The following NKIRAS2 variants were observed in gnomAD, a reference collection of about 807,000 sequenced individuals.
NKIRAS2 encodes NFKB inhibitor interacting Ras like 2.
A neutral mutation model predicts 20.7 loss-of-function variants in NKIRAS2; 15 were observed. That is an observed-to-expected ratio of 0.73 (90% CI 0.49 to 1.12). The LOEUF (loss-of-function observed/expected upper bound fraction) is 1.12, where lower values mean the gene tolerates loss of function less well. NKIRAS2 is among the 50% of genes most tolerant of loss of function. NKIRAS2 has a pLI of 0.00. For missense variants in NKIRAS2, 196 were observed against 249.6 expected, an observed-to-expected ratio of 0.79 and a Z score of 1.45; for synonymous variants, 116 against 101.4, an observed-to-expected ratio of 1.14 and a Z score of -0.87.
chr17:42,021,191 G>A (rs1343242535), intron 1 of NKIRAS2: 2 of 216,306 alleles, frequency 9.2e-6, no homozygotes, highest in Admixed American at 5.1e-5. Context: ...TACATCTTGC[G>A]CACAGAAGGG....
At chr17:42,019,251 G>A (rs2052385815), upstream of NKIRAS2, among the ~76,000 whole-genome samples, 1 of 152,028 alleles carries the variant, frequency 6.6e-6, no homozygotes, top group Non-Finnish European at 1.5e-5. Context: ...CCAGCATGGA[G>A]AAAAGAGCAA....
At chr17:42,017,960 A>C (rs2143411348), upstream of NKIRAS2, among the ~76,000 whole-genome samples, 1 of 152,218 alleles carries the variant, frequency 6.6e-6, no homozygotes, top group East Asian at 1.9e-4. Context: ...AGGGGAACGC[A>C]GGGCGTCTTC....
upstream of NKIRAS2, among the ~76,000 whole-genome samples, chr17:42,018,264 C>T (rs1177282036): frequency 6.6e-6 from 1 of 152,102 alleles, no homozygotes; most frequent in African/African-American, 2.4e-5. Context: ...TCATAGGGGA[C>T]AAGGGCACAG....
intron 1 of NKIRAS2, chr17:42,020,956 C>T (rs1231159601): frequency 6.5e-6 from 1 of 153,200 alleles, no homozygotes; most frequent in Non-Finnish European, 1.5e-5. Flanking sequence ...AGTCTGGTCT[C>T]GAACTCCTGA....
At chr17:42,022,715 G>T (rs1429931271) in intron 3 of NKIRAS2, 75 bp downstream of exon 3, 53 of 1,533,712 alleles carry the variant, frequency 3.5e-5, no homozygotes, top group Admixed American at 5.4e-5. Flanking sequence ...GGGAAGCCTG[G>T]CATGGCTCCA....
chr17:42,025,250 C>T lies in NKIRAS2; in HGVS notation c.*1357C>T, dbSNP rs998717717. On this transcript the variant is annotated 3_prime_UTR_variant, in exon 4 of 4. Transcript: ENST00000393885. ...TTACCTGTATTTATATTTATATGCC[C>T]GCTCTCATGGTGAAGGCTGGACAAG... 3 of 152,608 alleles carry T rather than the reference C, an allele frequency of 2.0e-5. No individual in the cohort carries two copies. In the East Asian group the frequency reaches 5.8e-4, roughly 29 times the overall value. The allele number at this position is 152,608 out of a possible 1,614,324, so 9.5% of individuals were successfully genotyped here.
upstream of NKIRAS2, among the ~76,000 whole-genome samples, chr17:42,019,215 G>A (rs28397091): frequency 0.011 from 1,600 of 152,278 alleles, 26 homozygotes; most frequent in African/African-American, 0.037. Flanking sequence ...AGAGGCTGCA[G>A]TGAGCTATGA....
At chr17:42,020,731 A>C (rs573476764) in intron 1 of NKIRAS2, 89 of 152,364 alleles carry the variant, frequency 5.8e-4, no homozygotes, top group African/African-American at 2.1e-3. Flanking sequence ...TGAGTCGTAC[A>C]GGAAAGCAGA....
chr17:42,022,363 C>T lies in NKIRAS2; in HGVS notation c.95-36C>T. 5 of 1,541,304 alleles carry T rather than the reference C, an allele frequency of 3.2e-6. No homozygotes were observed. In the South Asian group the frequency reaches 3.7e-5, roughly 11 times the overall value. On this transcript the variant is annotated intron_variant, in intron 2 of 3. Coordinates refer to ENST00000393885, the MANE Select transcript of NKIRAS2 (RefSeq NM_017595.6). ...CTCATCACTCACATTTCCCATCTCT[C>T]TCTCCACTTCAGACAGTTTTCTCAT...
At chr17:42,017,744 A>G (rs2052346884), upstream of NKIRAS2, 2 of 420,514 alleles carry the variant, frequency 4.8e-6, no homozygotes, top group Non-Finnish European at 8.7e-6. Context: ...GCAACTTCCA[A>G]TCCTAGAGAG....
At chr17:42,018,850 T>C (rs1265682988), upstream of NKIRAS2, among the ~76,000 whole-genome samples, 1 of 152,238 alleles carries the variant, frequency 6.6e-6, no homozygotes, top group Non-Finnish European at 1.5e-5. Context: ...ATCTACTGGA[T>C]ATCTCTTGTA....
rs910109972 is a variant in NKIRAS2, at chr17:42,025,160, C to T, written c.*1267C>T. 3.3e-4 allele frequency: 51 copies of T among 152,768 alleles called. No homozygotes were observed. Among genetic ancestry groups the T allele is most frequent in the African/African-American group, 1.2e-3 (51 of 41,564 alleles). 9.5% of individuals were successfully genotyped at this position (152,768 alleles called of 1,614,324 possible). Reference sequence around the variant, plus strand: ...CTCAGTGCCCAGCCCGCCAGCCTCGCTCTTGGAGGCTGCTCTTTATCCTGC... The same window carrying T: ...CTCAGTGCCCAGCCCGCCAGCCTCGTTCTTGGAGGCTGCTCTTTATCCTGC... On this transcript the variant is annotated 3_prime_UTR_variant, in exon 4 of 4. Coordinates refer to ENST00000393885, the MANE Select transcript of NKIRAS2 (RefSeq NM_017595.6).
chr17:42,021,295 A>G, intron 1 of NKIRAS2: 1 of 376,246 alleles, frequency 2.7e-6, no homozygotes, highest in Non-Finnish European at 5.1e-6. Context: ...TACTGGGGAT[A>G]ACAAAGACGA....
intron 3 of NKIRAS2, 56 bp from the exon 4 acceptor site, chr17:42,023,592 CCCATGT>C (rs1227855674): frequency 1.3e-6 from 2 of 1,529,140 alleles, no homozygotes; most frequent in Admixed American, 1.8e-5. Context: ...GTTGCCAGCC[CCCATGT>C]CCATTCCTGG....
upstream of NKIRAS2, chr17:42,017,771 C>G (rs782723480): frequency 5.0e-4 from 176 of 353,454 alleles, no homozygotes; most frequent in Admixed American, 1.3e-3. Context: ...TGAAAGGCTC[C>G]GTGGAGTCTG....
At position 42,022,608 on chromosome 17, in the gene NKIRAS2, A is replaced by G. The variant is rs1555653339; in HGVS notation, c.304A>G (p.Lys102Glu). Reference sequence around the variant, plus strand: ...TTTTCAGCGTGTGGAGCTGCTCAAGAAGGAGATTGACAAATCCAAGGACAA... The same window carrying G: ...TTTTCAGCGTGTGGAGCTGCTCAAGGAGGAGATTGACAAATCCAAGGACAA... ...ESFQRVELLK[K>E]EIDKSKDKKE... is the part of the protein sequence containing the mutation. The change falls in exon 3 of 4, where the codon AAG (lysine) becomes GAG (glutamate). Residue 102 changes from lysine to glutamate, a missense_variant. By Grantham distance (56) the Lys-to-Glu change is moderately conservative. Coordinates refer to ENST00000393885, the MANE Select transcript of NKIRAS2 (RefSeq NM_017595.6). 1 of 1,613,794 alleles carries G rather than the reference A, an allele frequency of 6.2e-7. No individual in the cohort carries two copies. The highest frequency in any genetic ancestry group is 8.5e-7 in the Non-Finnish European group (1 of 1,179,776).
chr17:42,022,469 G>A lies in NKIRAS2; in HGVS notation c.165G>A (p.Glu55=), dbSNP rs782124055. Residue 55 remains glutamate (E), a synonymous_variant, in exon 3 of 4, where the codon GAG becomes GAA. Transcript: ENST00000393885. ...GSIETDRGVR[E]QVRFYDTRGL... ...TTGAGACAGACCGGGGGGTGCGAGA[G>A]CAGGTGCGTTTCTATGACACCCGGG... The A allele has an allele frequency of 1.2e-6, 2 of 1,613,232 alleles. No individual in the cohort carries two copies. Among genetic ancestry groups the A allele is most frequent in the Admixed American group, 1.7e-5 (1 of 59,974 alleles).
chr17:42,022,269 G>T (rs35274084), intron 2 of NKIRAS2, 130 bp from the exon 3 acceptor site: 2 of 885,306 alleles, frequency 2.3e-6, no homozygotes, highest in African/African-American at 1.7e-5. Flanking sequence ...GTCCTGCCAG[G>T]CTGTCAATTC....
chr17:42,023,584 T>G, intron 3 of NKIRAS2, 70 bp from the exon 4 acceptor site: 2 of 1,464,632 alleles, frequency 1.4e-6, no homozygotes, highest in Non-Finnish European at 1.9e-6. Context: ...CCTAGGTGGT[T>G]GCCAGCCCCC....
Sources: allele counts gnomAD v4.1 joint callset (sites outside exome capture counted in the v4.1 genomes callset), GRCh38; gene constraint gnomAD v4.1.1; transcripts MANE v1.5; gene names NCBI Gene and HGNC (gene_info 2026-07-23, HGNC 2026-07-21).